The following AGRN variants were observed in gnomAD, a reference collection of about 807,000 sequenced individuals.
AGRN encodes agrin.
AGRN carries 106 observed loss-of-function variants against 211.0 expected under a neutral mutation model. The ratio of observed to expected loss-of-function variants is 0.50; its 90% CI spans 0.43 to 0.59. The LOEUF is 0.59. AGRN is among the 20% of genes least tolerant of loss of function. AGRN has a pLI of 0.00. For synonymous variants in AGRN, 1,525 were observed against 1,332.5 expected (o/e 1.14, Z -3.15); for missense variants, 3,040 against 2,982.6 (o/e 1.02, Z -0.45).
chr1:1,027,691 C>T (rs567787254), intron 2 of AGRN, among the ~76,000 whole-genome samples: 24 of 152,276 alleles, frequency 1.6e-4, no homozygotes, highest in South Asian at 1.0e-3. Flanking sequence ...CACATGCCTG[C>T]GGGACCTCGA....
Position 1,049,247 on chromosome 1 carries a change from G to GT in AGRN, c.4312dup (p.Ser1438PhefsTer36), listed in dbSNP as rs752751427. 13 of 1,585,658 alleles carry GT rather than the reference G, an allele frequency of 8.2e-6. No homozygotes were observed. Among genetic ancestry groups the GT allele is most frequent in the Non-Finnish European group, 1.1e-5 (13 of 1,172,218 alleles). On this transcript the variant is annotated frameshift_variant, in exon 25 of 36. Transcript: ENST00000379370. LOFTEE classifies it high-confidence loss of function. ...GCTCCTGCCCTCAGGTTTGACACAG[G>GT]TTCGGGGCCGGCGGTGCTGACCAGT...
rs774748438 is a variant in AGRN, at chr1:1,043,866, C to T, written c.1842C>T (p.Ser614=). 26 of 1,611,210 alleles carry T rather than the reference C, an allele frequency of 1.6e-5. No individual in the cohort carries two copies. Among genetic ancestry groups the T allele is most frequent in the Admixed American group, 1.2e-4 (7 of 59,948 alleles). The part of the protein sequence containing the change: ...DAVCAFGAVC[S]AGQCVCPRCE... ...TGTGTGCTTTTGGGGCTGTGTGCTC[C>T]GCAGGGCAGTGTGTGTGTCCCCGGT... The change falls in exon 10 of 36, where the codon TCC becomes TCT. Residue 614 remains serine (S), a synonymous_variant. Transcript: ENST00000379370.
chr1:1,041,869 C>T lies in AGRN; in HGVS notation c.1178-87C>T, dbSNP rs1283439214. The T allele has an allele frequency of 3.2e-6, 5 of 1,578,840 alleles. No homozygotes were observed. The East Asian group carries it at 6.8e-5, about 22-fold the overall frequency. ...GTGGGCGGCTCCCCTCTGGGAGGGCCGCCTGCTCCCCTGCTCCCTGCACAT... is the reference window on the plus strand; with the variant it reads ...GTGGGCGGCTCCCCTCTGGGAGGGCTGCCTGCTCCCCTGCTCCCTGCACAT... On this transcript the variant is annotated intron_variant, in intron 6 of 35. Transcript: ENST00000379370.
intron 2 of AGRN, chr1:1,033,960 TC>T (rs1469640995): frequency 7.7e-6 from 2 of 258,196 alleles, no homozygotes; most frequent in Non-Finnish European, 1.2e-5. Context: ...TTGTCTCTGC[TC>T]CCGCCCTCCC....
In AGRN at chr1:1,048,922, T is replaced by C. The variant is rs9442391; in HGVS notation, c.4161T>C (p.Thr1387=). ...FEGRSFLAFP[T]LRAYHTLRLA... ...GCCGCTCCTTCCTGGCCTTCCCCACTCTCCGCGCCTACCACACGCTGCGCC... is the reference window on the plus strand; with the variant it reads ...GCCGCTCCTTCCTGGCCTTCCCCACCCTCCGCGCCTACCACACGCTGCGCC... The change falls in exon 24 of 36, where the codon ACT becomes ACC. Residue 1387 remains threonine, a synonymous_variant. Coordinates refer to ENST00000379370, the MANE Select transcript of AGRN (RefSeq NM_198576.4). The surrounding 1 kb of genome is among the most constrained non-coding windows in gnomAD (Gnocchi z 5.9). 0.57 allele frequency: 882,740 copies of C among 1,556,060 alleles called. 255,662 individuals are homozygous for C. The highest frequency in any genetic ancestry group is 0.83 in the East Asian group (34,730 of 41,810).
intron 2 of AGRN, among the ~76,000 whole-genome samples, chr1:1,033,173 G>A (rs944537578): frequency 6.6e-6 from 1 of 151,990 alleles, no homozygotes; most frequent in Non-Finnish European, 1.5e-5. Flanking sequence ...TCATTTGCAT[G>A]ACCCCGCCCC....
Position 1,043,732 on chromosome 1 carries a change from GGTGA to G in AGRN, c.1798+6_1798+9del. On this transcript the variant is annotated splice_donor_variant and splice_donor_region_variant and intron_variant, in intron 9 of 35. Coordinates refer to ENST00000379370, the MANE Select transcript of AGRN (RefSeq NM_198576.4). LOFTEE classifies it high-confidence loss of function. ...GCACGTGGCCTCAGCTGGACCCTGT[GGTGA>G]GTGAGGCCCTGGGGCCGGGCGGGCC... The G allele has an allele frequency of 1.2e-6, 2 of 1,601,398 alleles. No individual in the cohort carries two copies. The highest frequency in any genetic ancestry group is 1.1e-5 in the South Asian group (1 of 91,072).
At position 1,044,376 on chromosome 1, in the gene AGRN, C is replaced by G. The variant is rs927610879; in HGVS notation, c.2191C>G (p.Leu731Val). 2 of 1,612,638 alleles carry G rather than the reference C, an allele frequency of 1.2e-6. No individual in the cohort carries two copies. The highest frequency in any genetic ancestry group is 1.7e-5 in the Admixed American group (1 of 59,978). ...GGTCACCTACAGCACCGAGTGTGAG[C>G]TGAAGAAGGCCAGGTGTGAGTCACA... ...DGVTYSTECE[L>V]KKARCESQRG... Residue 731 changes from leucine to valine, a missense_variant, in exon 12 of 36, where the codon CTG (leucine) becomes GTG (valine). Leu to Val is a conservative substitution (Grantham distance 32). This residue lies in a region of AGRN where 1,498 missense variants were observed against 1,457.8 expected (regional missense o/e 1.03). Transcript: ENST00000379370.
intron 2 of AGRN, chr1:1,034,722 G>A (rs1359985817): frequency 1.0e-6 from 1 of 997,690 alleles, no homozygotes; most frequent in African/African-American, 1.7e-5. Flanking sequence ...CCGCGGGCGG[G>A]GCGTCGCACT....
intron 12 of AGRN, among the ~76,000 whole-genome samples, chr1:1,044,822 G>A (rs1045017871): frequency 3.3e-5 from 5 of 152,190 alleles, no homozygotes; most frequent in African/African-American, 1.2e-4. Context: ...TTAACTGTAC[G>A]GTTTGGAGGA....
chr1:1,030,604 C>CAT (rs1557689428), intron 2 of AGRN, among the ~76,000 whole-genome samples: 1 of 20,630 alleles, frequency 4.8e-5, no homozygotes, highest in African/African-American at 1.4e-4. Flanking sequence ...GTGAGATCAG[C>CAT]GTGTGTGTGT....
Position 1,032,128 on chromosome 1 carries a change from G to A in AGRN, c.464-3149G>A, listed in dbSNP as rs1644688551. Among the ~76,000 whole-genome samples the A allele has an allele frequency of 6.6e-6, 1 of 152,196 alleles. No homozygotes were observed. Among genetic ancestry groups the A allele is most frequent in the East Asian group, 1.9e-4 (1 of 5,200 alleles). On this transcript the variant is annotated intron_variant, in intron 2 of 35. Coordinates refer to ENST00000379370, the MANE Select transcript of AGRN (RefSeq NM_198576.4). The surrounding 1 kb of genome is among the most constrained non-coding windows in gnomAD (Gnocchi z 4.7). ...GGAGCTCCCCTGAGGAGAGAGTGAG[G>A]CCAGCAGGGGTGGGTCTCCAAGTGC... is the stretch of plus-strand genomic sequence containing the variant.
In AGRN at chr1:1,047,446, G is replaced by A; in HGVS notation, c.3508G>A (p.Glu1170Lys). The A allele has an allele frequency of 6.2e-7, 1 of 1,612,828 alleles. No homozygotes were observed. The highest frequency in any genetic ancestry group is 1.1e-5 in the South Asian group (1 of 91,078). Residue 1170 changes from glutamate (E) to lysine (K), a missense_variant, in exon 20 of 36, where the codon GAG (glutamate) becomes AAG (lysine). Glu to Lys is a moderately conservative substitution (Grantham distance 56). Transcript: ENST00000379370. The stretch of plus-strand genomic sequence containing the variant: ...GTTCGGGGAGACAGCCAGGAGCATT[G>A]AGAGCACCGTAAGACGGGGGCGCAG... ...ELFGETARSI[E>K]STLDDLFRNS...
intron 2 of AGRN, among the ~76,000 whole-genome samples, chr1:1,027,523 G>A (rs1222688890): frequency 3.3e-5 from 5 of 152,196 alleles, no homozygotes; most frequent in South Asian, 2.1e-4. Flanking sequence ...TGCTCACTGC[G>A]TCCAGCACGC....
At chr1:1,027,291 T>A (rs902045411) in intron 2 of AGRN, among the ~76,000 whole-genome samples, 2 of 152,224 alleles carry the variant, frequency 1.3e-5, no homozygotes, top group Non-Finnish European at 2.9e-5. Context: ...GCCTCAGATG[T>A]ACCAGCCTGT....
Position 1,046,972 on chromosome 1 carries a change from G to A in AGRN, c.3388+15G>A. The stretch of plus-strand genomic sequence containing the variant: ...CAACTGCCCCGGTGAGTGGACGGCT[G>A]GGCGAGGGGAGTGTGAGGATAGCCT... On this transcript the variant is annotated intron_variant, in intron 19 of 35. Coordinates refer to ENST00000379370, the MANE Select transcript of AGRN (RefSeq NM_198576.4). The A allele has an allele frequency of 6.4e-7, 1 of 1,569,808 alleles. No individual in the cohort carries two copies. The highest frequency in any genetic ancestry group is 8.6e-7 in the Non-Finnish European group (1 of 1,158,510).
At position 1,032,038 on chromosome 1, in the gene AGRN, C is replaced by T. The variant is rs1245173014; in HGVS notation, c.464-3239C>T. Among the ~76,000 whole-genome samples the T allele has an allele frequency of 6.6e-6, 1 of 152,218 alleles. No individual in the cohort carries two copies. Among genetic ancestry groups the T allele is most frequent in the Non-Finnish European group, 1.5e-5 (1 of 68,036 alleles). ...TGCCCGGGGCACCCACAGTCAGCAC[C>T]GCCGGAACACTGTCAGCCTGGTGTG... On this transcript the variant is annotated intron_variant, in intron 2 of 35. Coordinates refer to ENST00000379370, the MANE Select transcript of AGRN (RefSeq NM_198576.4). The surrounding 1 kb of genome is among the most constrained non-coding windows in gnomAD (Gnocchi z 4.7).
At chr1:1,040,574 C>A (rs182912380) in intron 3 of AGRN, 91 bp from the exon 4 acceptor site, 15 of 1,452,306 alleles carry the variant, frequency 1.0e-5, no homozygotes, top group African/African-American at 1.4e-5. Context: ...CGGGTGAATG[C>A]GCGGGCTGCG....
intron 2 of AGRN, among the ~76,000 whole-genome samples, chr1:1,029,045 G>A (rs1188716873): frequency 8.9e-6 from 1 of 112,214 alleles, no homozygotes; most frequent in East Asian, 2.5e-4. Context: ...CCACACCCAC[G>A]CCACCCTCTC....
Sources: allele counts gnomAD v4.1 joint callset (sites outside exome capture counted in the v4.1 genomes callset), GRCh38; gene constraint gnomAD v4.1.1; regional missense constraint gnomAD v4.1.1; non-coding constraint Gnocchi (gnomAD v3.1); transcripts MANE v1.5; gene names NCBI Gene and HGNC (gene_info 2026-07-23, HGNC 2026-07-21).